PRDM11: variants seen among roughly 807,000 people sequenced by gnomAD.
PRDM11 encodes PR domain-containing protein 11.
A neutral mutation model predicts 97.8 loss-of-function variants in PRDM11; 20 were observed. The ratio of observed to expected loss-of-function variants is 0.20; its 90% CI spans 0.14 to 0.30. PRDM11 has a LOEUF of 0.30. Among genes scored for constraint, PRDM11 ranks in the 10% least tolerant of loss-of-function variants. PRDM11 has a pLI of 1.00. For missense variants in PRDM11, 1,139 were observed against 1,555.2 expected (o/e 0.73, Z 4.50); for synonymous variants, 599 against 637.7 (o/e 0.94, Z 0.91).
At chr11:45,170,597 CAGAG>C (rs1852179833) in intron 1 of PRDM11, among the ~76,000 whole-genome samples, 1 of 73,180 alleles carries the variant, frequency 1.4e-5, no homozygotes. Context: ...GAGGAAATCT[CAGAG>C]GGAGTGGAAC....
chr11:45,196,110 T>A, intron 4 of PRDM11, among the ~76,000 whole-genome samples: 1 of 152,196 alleles, frequency 6.6e-6, no homozygotes, highest in East Asian at 1.9e-4. Context: ...AAGCAGCTGA[T>A]CAATTTTGCT....
chr11:45,104,455 C>T (rs960321949), intron 1 of PRDM11, among the ~76,000 whole-genome samples: 2 of 152,158 alleles, frequency 1.3e-5, no homozygotes, highest in Admixed American at 1.3e-4. Flanking sequence ...TCCTGCTGCT[C>T]AAGGTTGCTG....
At chr11:45,223,999 G>A (rs1308598481) in intron 6 of PRDM11, among the ~76,000 whole-genome samples, 1 of 152,206 alleles carries the variant, frequency 6.6e-6, no homozygotes, top group African/African-American at 2.4e-5. Context: ...CTTGGAAACT[G>A]TCTCTTTCTA....
chr11:45,111,982 A>C (rs535966438), intron 1 of PRDM11, among the ~76,000 whole-genome samples: 1 of 152,158 alleles, frequency 6.6e-6, no homozygotes, highest in Admixed American at 6.5e-5. Context: ...TTTGGGGTAC[A>C]GGTGGTCTTT....
rs1854073352 is a variant in PRDM11, at chr11:45,219,996, T to C, written c.742+239T>C. On this transcript the variant is annotated intron_variant, in intron 6 of 7. Transcript: ENST00000683152. The surrounding 1 kb of genome is among the most constrained non-coding windows in gnomAD (Gnocchi z 4.2). ...TCCTTACCACACACATTTCAGAGTA[T>C]TCATGAGAGAGACGCCCCCAAAACC... 6.6e-6 allele frequency among the ~76,000 whole-genome samples: 1 copy of C among 152,196 alleles called. No homozygotes were observed. The highest frequency in any genetic ancestry group is 2.1e-4 in the South Asian group (1 of 4,820).
chr11:45,119,619 CAAAAAAAAAAA>C (rs56367204), intron 1 of PRDM11, among the ~76,000 whole-genome samples: 16 of 43,062 alleles, frequency 3.7e-4, no homozygotes, highest in Non-Finnish European at 5.5e-4. Context: ...GATTCTGTCT[CAAAAAAAAAAA>C]AAAAAAAAAA....
intron 1 of PRDM11, among the ~76,000 whole-genome samples, chr11:45,175,362 G>T (rs1264507733): frequency 6.6e-6 from 1 of 152,156 alleles, no homozygotes; most frequent in Non-Finnish European, 1.5e-5. Context: ...GCCTTTTCCA[G>T]AATGTCATAT....
At chr11:45,200,681 G>A (rs1478403422) in intron 4 of PRDM11, among the ~76,000 whole-genome samples, 2 of 152,204 alleles carry the variant, frequency 1.3e-5, no homozygotes, top group African/African-American at 4.8e-5. Flanking sequence ...AATGTAGGGG[G>A]AGTAGTGTTA....
intron 1 of PRDM11, among the ~76,000 whole-genome samples, chr11:45,128,395 C>T (rs565870575): frequency 1.4e-4 from 22 of 152,260 alleles, no homozygotes; most frequent in African/African-American, 5.1e-4. Context: ...GAGATGAACC[C>T]GGTACCTCAG....
At chr11:45,102,340 G>A (rs571293981) in intron 1 of PRDM11, among the ~76,000 whole-genome samples, 1 of 152,210 alleles carries the variant, frequency 6.6e-6, no homozygotes, top group Non-Finnish European at 1.5e-5. Context: ...GCCGATGTGT[G>A]TTTAATGATC....
upstream of PRDM11, chr11:45,095,743 T>A (rs1213516584): frequency 1.2e-5 from 8 of 692,874 alleles, no homozygotes; most frequent in Middle Eastern, 6.4e-4. Flanking sequence ...ATGCAGATTA[T>A]GATGGCCGCA....
intron 1 of PRDM11, among the ~76,000 whole-genome samples, chr11:45,175,991 A>AT (rs201568283): frequency 0.015 from 2,236 of 150,564 alleles, 50 homozygotes; most frequent in African/African-American, 0.049. Flanking sequence ...CTTTTTATCC[A>AT]TTTTTTTTTC....
intron 5 of PRDM11, among the ~76,000 whole-genome samples, chr11:45,208,646 C>T (rs1312930192): frequency 1.3e-5 from 2 of 152,122 alleles, no homozygotes; most frequent in Non-Finnish European, 2.9e-5. Context: ...AAACCAAGGC[C>T]TTCGACTCTG....
Position 45,183,236 on chromosome 11 carries a change from C to A in PRDM11, c.486+113C>A. On this transcript the variant is annotated intron_variant, in intron 4 of 7. Coordinates refer to ENST00000683152, the MANE Select transcript of PRDM11 (RefSeq NM_001384648.1). ...CCCCAGAACTTTTCTACCATCGCTT[C>A]TGGACCTGTCGATGATGGATCTTGC... The A allele has an allele frequency of 2.2e-6, 3 of 1,344,308 alleles. No homozygotes were observed. The South Asian group carries it at 4.6e-5, about 20-fold the overall frequency. The allele number at this position is 1,344,308 out of a possible 1,614,324, so 83.3% of individuals were successfully genotyped here.
chr11:45,145,368 T>G (rs1454142192), upstream of PRDM11, among the ~76,000 whole-genome samples: 1 of 152,054 alleles, frequency 6.6e-6, no homozygotes, highest in African/African-American at 2.4e-5. Flanking sequence ...CGCCTCCAGC[T>G]CCACATCCAG....
intron 1 of PRDM11, among the ~76,000 whole-genome samples, chr11:45,163,081 C>T (rs1851969786): frequency 6.6e-6 from 1 of 152,186 alleles, no homozygotes; most frequent in South Asian, 2.1e-4. Flanking sequence ...GGTGGTACTG[C>T]TCCCAGCTGT....
chr11:45,153,167 T>C (rs1851702336), intron 1 of PRDM11, among the ~76,000 whole-genome samples: 1 of 152,208 alleles, frequency 6.6e-6, no homozygotes, highest in Non-Finnish European at 1.5e-5. Flanking sequence ...TTTCCCCGAG[T>C]GTGCCTGACT....
At chr11:45,114,491 GA>G (rs1246920717) in intron 1 of PRDM11, among the ~76,000 whole-genome samples, 2 of 152,050 alleles carry the variant, frequency 1.3e-5, no homozygotes, top group Non-Finnish European at 2.9e-5. Context: ...GTCTTAGAAG[GA>G]GAGAAAATTG....
intron 1 of PRDM11, among the ~76,000 whole-genome samples, chr11:45,127,628 GCAGCGGTGGCTGCAGAA>G (rs943509276): frequency 6.6e-6 from 1 of 152,234 alleles, no homozygotes; most frequent in Admixed American, 6.5e-5. Context: ...CTGGGTATCA[GCAGCGGTGGCTGCAGAA>G]CAGCGGTGGC....
Sources: allele counts gnomAD v4.1 joint callset (sites outside exome capture counted in the v4.1 genomes callset), GRCh38; gene constraint gnomAD v4.1.1; non-coding constraint Gnocchi (gnomAD v3.1); transcripts MANE v1.5; gene names NCBI Gene and HGNC (gene_info 2026-07-23, HGNC 2026-07-21).